Variants in TULP4 observed in about 807,000 individuals in gnomAD.
The protein encoded by TULP4 is tubby-related protein 4.
TULP4 carries 16 observed loss-of-function variants against 129.0 expected under a neutral mutation model. The ratio of observed to expected loss-of-function variants is 0.12; its 90% confidence interval spans 0.08 to 0.19. The LOEUF (loss-of-function observed/expected upper bound fraction) is 0.19, where lower values mean the gene tolerates loss of function less well. TULP4 is among the 10% of genes least tolerant of loss of function. The probability of loss-of-function intolerance (pLI) is 1.00; values close to 1 mark genes in which losing one functional copy is unlikely to be tolerated. For missense variants in TULP4, 1,842 were observed against 2,059.1 expected, an observed-to-expected ratio of 0.89 and a Z score of 2.04; for synonymous variants, 998 against 854.0, an observed-to-expected ratio of 1.17 and a Z score of -2.94.
At chr6:158,474,435 ACT>A (rs1779765488) in intron 6 of TULP4, among the ~76,000 whole-genome samples, 1 of 152,050 alleles carries the variant, frequency 6.6e-6, no homozygotes, top group Non-Finnish European at 1.5e-5. Flanking sequence ...TTTTCAGAAG[ACT>A]CTATCCAACT....
chr6:158,392,508 G>A (rs1463865093), intron 1 of TULP4, among the ~76,000 whole-genome samples: 1 of 152,254 alleles, frequency 6.6e-6, no homozygotes, highest in South Asian at 2.1e-4. Context: ...TGATTCTCCC[G>A]GCTTTTTTCT....
At chr6:158,261,334 G>A (rs4710165) in intron 1 of TULP4, among the ~76,000 whole-genome samples, 50,001 of 152,070 alleles carry the variant, frequency 0.33, 9,210 homozygotes, top group Admixed American at 0.45. Flanking sequence ...GTACAGTGCA[G>A]TTTGATTTGA....
intron 2 of TULP4, among the ~76,000 whole-genome samples, chr6:158,420,172 CAA>C (rs1448375057): frequency 6.6e-6 from 1 of 152,162 alleles, no homozygotes; most frequent in Admixed American, 6.5e-5. Flanking sequence ...TTTTTATTGA[CAA>C]AATTTAAAAT....
At chr6:158,468,022 A>AG (rs1779592295) in intron 6 of TULP4, among the ~76,000 whole-genome samples, 1 of 152,240 alleles carries the variant, frequency 6.6e-6, no homozygotes, top group South Asian at 2.1e-4. Context: ...ACGGATGAAT[A>AG]AAAGTACACT....
chr6:158,253,292 G>A (rs1478748434), intron 1 of TULP4, among the ~76,000 whole-genome samples: 1 of 152,226 alleles, frequency 6.6e-6, no homozygotes, highest in Admixed American at 6.5e-5. Context: ...TGTGAGGCAT[G>A]ACCAGTCTTC....
intron 1 of TULP4, among the ~76,000 whole-genome samples, chr6:158,372,142 T>TA (rs1554284994): frequency 0.051 from 6,137 of 121,208 alleles, 234 homozygotes; most frequent in Middle Eastern, 0.1. Context: ...TTTTTTTTTT[T>TA]AATACAATTC....
Position 158,501,667 on chromosome 6 carries a change from T to G in TULP4, c.2015-11T>G. 1.2e-6 allele frequency: 2 copies of G among 1,600,392 alleles called. No individual in the cohort carries two copies. Among genetic ancestry groups the G allele is most frequent in the Non-Finnish European group, 1.7e-6 (2 of 1,169,690 alleles). On this transcript the variant is annotated splice_polypyrimidine_tract_variant and intron_variant, in intron 12 of 13. Transcript: ENST00000367097. ...TTTTGTAAGCAGTTCCTTTTTCTAA[T>G]TTTCTTCCAGTGACAGGAGCATCTG...
At chr6:158,233,556 C>T (rs1488904499) in intron 1 of TULP4, among the ~76,000 whole-genome samples, 2 of 152,150 alleles carry the variant, frequency 1.3e-5, no homozygotes, top group South Asian at 2.1e-4. Flanking sequence ...CCCCGGGCTC[C>T]GCAGCGCCAG....
At chr6:158,239,367 ACC>A (rs1562490298) in intron 1 of TULP4, among the ~76,000 whole-genome samples, 1 of 26,994 alleles carries the variant, frequency 3.7e-5, no homozygotes, top group Non-Finnish European at 7.8e-5. Flanking sequence ...GGGGGCTGAC[ACC>A]CCCCACCTCC....
At chr6:158,472,505 A>T (rs1779710672) in intron 6 of TULP4, among the ~76,000 whole-genome samples, 1 of 152,232 alleles carries the variant, frequency 6.6e-6, no homozygotes, top group Non-Finnish European at 1.5e-5. Flanking sequence ...TTAAAAATCA[A>T]GTACAATATT....
chr6:158,415,383 T>C (rs1204429111), intron 2 of TULP4, among the ~76,000 whole-genome samples: 1 of 146,102 alleles, frequency 6.8e-6, no homozygotes, highest in Non-Finnish European at 1.5e-5. Context: ...GGAGTCACGC[T>C]CTGTCGCCCA....
At chr6:158,481,348 G>A (rs768746164) in intron 8 of TULP4, 59 bp downstream of exon 8, 323 of 1,456,402 alleles carry the variant, frequency 2.2e-4, no homozygotes, top group Non-Finnish European at 2.7e-4. Flanking sequence ...GGCTGTTAAC[G>A]CCTTACACCC....
At chr6:158,478,794 A>G (rs2128249584) in intron 6 of TULP4, among the ~76,000 whole-genome samples, 1 of 152,062 alleles carries the variant, frequency 6.6e-6, no homozygotes, top group South Asian at 2.1e-4. Context: ...GGCACCCCTG[A>G]GCTTTGGATT....
chr6:158,279,571 C>T (rs372028927), upstream of TULP4, among the ~76,000 whole-genome samples: 10 of 152,070 alleles, frequency 6.6e-5, no homozygotes, highest in East Asian at 7.7e-4. Flanking sequence ...TGGCTTACAT[C>T]GTACAAAAAT....
rs773565295 is a variant in TULP4, at chr6:158,392,794, C to CTTT, written c.253-20248_253-20246dup. Among the ~76,000 whole-genome samples, 106 of 54,628 alleles carry CTTT rather than the reference C, an allele frequency of 1.9e-3. 14 individuals are homozygous for CTTT. Among genetic ancestry groups the CTTT allele is most frequent in the African/African-American group, 6.0e-3 (69 of 11,446 alleles). The allele number at this position is 54,628 out of a possible 152,430, so 35.8% of individuals were successfully genotyped here. A position where few individuals can be genotyped will look rare whatever the true frequency, so the allele number is the denominator to read the frequency against. ...GTACCTATTGTTTAAATTTGTATTT[C>CTTT]TTTTTTTTTTTTTTTTTTTTTTTTT... On this transcript the variant is annotated intron_variant, in intron 1 of 13. Coordinates refer to ENST00000367097, the MANE Select transcript of TULP4 (RefSeq NM_020245.5).
At chr6:158,322,035 G>C (rs1475212855) in intron 1 of TULP4, among the ~76,000 whole-genome samples, 1 of 152,200 alleles carries the variant, frequency 6.6e-6, no homozygotes, top group African/African-American at 2.4e-5. Context: ...GCCAGGTTCT[G>C]TGTCCACCTC....
chr6:158,234,094 T>C (rs1251525316), intron 1 of TULP4, among the ~76,000 whole-genome samples: 1 of 152,246 alleles, frequency 6.6e-6, no homozygotes, highest in Non-Finnish European at 1.5e-5. Flanking sequence ...ACGAACTTTA[T>C]GCATTTACTA....
chr6:158,374,568 T>G (rs1001488706), intron 1 of TULP4, among the ~76,000 whole-genome samples: 1 of 152,266 alleles, frequency 6.6e-6, no homozygotes, highest in African/African-American at 2.4e-5. Context: ...GCAACACAGC[T>G]TATTCCTTTT....
chr6:158,249,883 C>A (rs1017245194), intron 1 of TULP4, among the ~76,000 whole-genome samples: 12 of 152,274 alleles, frequency 7.9e-5, no homozygotes, highest in African/African-American at 2.9e-4. Context: ...AAAAAGTAGT[C>A]AATGATAGTG....
Sources: allele counts gnomAD v4.1 joint callset (sites outside exome capture counted in the v4.1 genomes callset), GRCh38; gene constraint gnomAD v4.1.1; transcripts MANE v1.5; gene names NCBI Gene and HGNC (gene_info 2026-07-23, HGNC 2026-07-21).